The following CACNA1C variants were observed in gnomAD, a reference collection of about 807,000 sequenced individuals.
CACNA1C encodes voltage-dependent L-type calcium channel subunit alpha-1C.
A neutral mutation model predicts 229.0 loss-of-function variants in CACNA1C; 30 were observed. The observed-to-expected ratio is 0.13, with a 90% CI of 0.10 to 0.18. The LOEUF (loss-of-function observed/expected upper bound fraction) is 0.18. Ranked by LOEUF, CACNA1C falls within the 10% of genes least tolerant of loss-of-function variation. The pLI is 1.00. For missense variants in CACNA1C, 1,658 were observed against 2,845.0 expected (o/e 0.58, Z 9.49); for synonymous variants, 1,114 against 1,132.5 (o/e 0.98, Z 0.33).
In CACNA1C at chr12:2,410,263, G is replaced by A. The variant is rs183546640; in HGVS notation, c.478-38713G>A. ...AATCGACCTCAACGAGCTCGTCGCC[G>A]GGCACCGTTTTAGCAGCCCCACCAC... On this transcript the variant is annotated intron_variant, in intron 3 of 46. Transcript: ENST00000399655. The surrounding 1 kb of genome is among the most constrained non-coding windows in gnomAD (Gnocchi z 5.3). 9.2e-5 allele frequency among the ~76,000 whole-genome samples: 14 copies of A among 152,174 alleles called. No homozygotes were observed. In the East Asian group the frequency reaches 1.6e-3, roughly 17 times the overall value.
intron 5 of CACNA1C, among the ~76,000 whole-genome samples, chr12:2,481,759 A>G (rs774162097): frequency 5.3e-5 from 8 of 152,210 alleles, no homozygotes; most frequent in Non-Finnish European, 1.0e-4. Flanking sequence ...ATAAGTACAC[A>G]TGTGTTTGTC....
At chr12:2,089,347 A>G (rs942813234) in intron 1 of CACNA1C, among the ~76,000 whole-genome samples, 12 of 152,218 alleles carry the variant, frequency 7.9e-5, no homozygotes, top group African/African-American at 2.9e-4. Context: ...CTAGGAACAC[A>G]CTTTTGAAAT....
chr12:2,016,433 T>C (rs1249037501), intron 1 of CACNA1C, among the ~76,000 whole-genome samples: 1 of 152,208 alleles, frequency 6.6e-6, no homozygotes, highest in African/African-American at 2.4e-5. Flanking sequence ...CATTTTTCTT[T>C]TTCTTTTTTT....
intron 3 of CACNA1C, among the ~76,000 whole-genome samples, chr12:2,234,879 A>G (rs972883810): frequency 4.6e-5 from 7 of 152,260 alleles, no homozygotes; most frequent in African/African-American, 1.7e-4. Flanking sequence ...CAGACAAAAC[A>G]ATAGAAGTGA....
rs183635188 is a variant in CACNA1C, at chr12:2,498,551, T to C, written c.1113+5165T>C. Among the ~76,000 whole-genome samples the C allele has an allele frequency of 1.4e-3, 214 of 152,406 alleles. 2 individuals carry two copies. The highest frequency in any genetic ancestry group is 5.0e-3 in the African/African-American group (207 of 41,598). ...CAAACATTTATTGAGCATTTGCTGTTTCCTGGGACGAGGGATGTGGGAGCA... is the reference window on the plus strand; with the variant it reads ...CAAACATTTATTGAGCATTTGCTGTCTCCTGGGACGAGGGATGTGGGAGCA... On this transcript the variant is annotated intron_variant, in intron 7 of 46. Coordinates refer to ENST00000399655, the MANE Select transcript of CACNA1C (RefSeq NM_000719.7).
At chr12:2,104,427 T>C (rs1017337466) in intron 1 of CACNA1C, among the ~76,000 whole-genome samples, 3 of 152,240 alleles carry the variant, frequency 2.0e-5, no homozygotes, top group African/African-American at 7.2e-5. Context: ...TTTTGTATCC[T>C]GAGACTTTGC....
At position 2,630,636 on chromosome 12, in the gene CACNA1C, G is replaced by T. The variant is rs1044870005; in HGVS notation, c.3829-3661G>T. On this transcript the variant is annotated intron_variant, in intron 29 of 46. Coordinates refer to ENST00000399655, the MANE Select transcript of CACNA1C (RefSeq NM_000719.7). The surrounding 1 kb of genome is among the most constrained non-coding windows in gnomAD (Gnocchi z 5.4). ...CAAAGGCAGGACGGTGGGAGGATGG[G>T]TCAGGGTGAAGAGCTGCCTCTTAAA... Among the ~76,000 whole-genome samples the T allele has an allele frequency of 2.3e-4, 35 of 152,164 alleles. No individual in the cohort carries two copies. Among genetic ancestry groups the T allele is most frequent in the Non-Finnish European group, 4.9e-4 (33 of 68,026 alleles).
intron 22 of CACNA1C, chr12:2,603,876 C>T (rs953936164): frequency 2.0e-5 from 3 of 152,188 alleles, no homozygotes; most frequent in Non-Finnish European, 4.4e-5. Flanking sequence ...GGAAACTGAC[C>T]ATTTTTCTGC....
intron 1 of CACNA1C, among the ~76,000 whole-genome samples, chr12:2,002,587 G>C (rs1186621584): frequency 6.6e-6 from 1 of 152,298 alleles, no homozygotes; most frequent in African/African-American, 2.4e-5. Context: ...ACATTGATAA[G>C]GGTCAAAAGC....
intron 3 of CACNA1C, among the ~76,000 whole-genome samples, chr12:2,439,412 G>A (rs1200509273): frequency 1.3e-5 from 2 of 152,226 alleles, no homozygotes; most frequent in African/African-American, 2.4e-5. Flanking sequence ...CAAATCTACC[G>A]CATTGGCTTC....
rs376345869 is a variant in CACNA1C at position 2,115,276 on chromosome 12, G to A, written c.102G>A (p.Ala34=). 18 of 1,590,370 alleles carry A rather than the reference G, an allele frequency of 1.1e-5. No individual in the cohort carries two copies. The African/African-American group carries it at 1.3e-4, about 12-fold the overall frequency. Residue 34 remains alanine, a synonymous_variant, in exon 2 of 47, where the codon GCG becomes GCA. Transcript: ENST00000399655. ...RPAHANMNAN[A]AAGLAPEHIP... is the part of the protein sequence containing the mutation. Reference sequence around the variant, plus strand: ...CCCATGCCAACATGAATGCCAATGCGGCAGCGGGGCTGGCCCCTGAGCACA... The same window carrying A: ...CCCATGCCAACATGAATGCCAATGCAGCAGCGGGGCTGGCCCCTGAGCACA...
chr12:2,319,952 G>A lies in CACNA1C; in HGVS notation c.478-129024G>A, dbSNP rs2095889866. Among the ~76,000 whole-genome samples the A allele has an allele frequency of 6.6e-6, 1 of 152,192 alleles. No homozygotes were observed. Among genetic ancestry groups the A allele is most frequent in the Non-Finnish European group, 1.5e-5 (1 of 68,016 alleles). On this transcript the variant is annotated intron_variant, in intron 3 of 46. Transcript: ENST00000399655. This position sits in a 1 kb window ranked among gnomAD's most constrained non-coding sequence, Gnocchi z 4.0. ...AAGCCCCATGAGCTATTCTGGTCCT[G>A]ACACCGGCTCCCACCCTTTAAAGCT...
intron 3 of CACNA1C, among the ~76,000 whole-genome samples, chr12:2,341,956 G>A (rs191757299): frequency 6.6e-6 from 1 of 152,314 alleles, no homozygotes; most frequent in East Asian, 1.9e-4. Context: ...CTCGGATTTG[G>A]GGAGTGTTAA....
chr12:2,681,992 G>A lies in CACNA1C; in HGVS notation c.5445-558G>A, dbSNP rs528997596. On this transcript the variant is annotated intron_variant, in intron 42 of 46. Coordinates refer to ENST00000399655, the MANE Select transcript of CACNA1C (RefSeq NM_000719.7). ...TGTGTGAGGATCTGGAGCTCAGGAG[G>A]GATTCAGGCTCAGCAGGGACTCAGG... is the stretch of plus-strand genomic sequence containing the variant. 7.8e-5 allele frequency: 125 copies of A among 1,611,880 alleles called. 1 individual carries two copies. In the South Asian group the frequency reaches 1.3e-3, roughly 16 times the overall value.
rs768080291 is a variant in CACNA1C at position 2,691,147 on chromosome 12, G to A, written c.6365G>A (p.Arg2122Gln). ...GCGGGCTGTGTGCGCGCGCGGGGTC[G>A]ACCGAGTGAGGAGGAGCTCCAGGAC... The part of the protein sequence containing the change: ...EDAGCVRARG[R>Q]PSEEELQDSR... Residue 2122 changes from arginine to glutamine, a missense_variant, in exon 47 of 47, where the codon CGA becomes CAA. Physicochemically the swap from Arg to Gln is conservative, Grantham distance 43. Coordinates refer to ENST00000399655, the MANE Select transcript of CACNA1C (RefSeq NM_000719.7). 6.2e-7 allele frequency: 1 copy of A among 1,606,218 alleles called. No individual in the cohort carries two copies. The highest frequency in any genetic ancestry group is 1.1e-5 in the South Asian group (1 of 90,770).
chr12:2,264,973 G>A (rs1229484130), intron 3 of CACNA1C, among the ~76,000 whole-genome samples: 1 of 152,146 alleles, frequency 6.6e-6, no homozygotes, highest in African/African-American at 2.4e-5. Context: ...CGTTGTCTGA[G>A]CTGCCTTTTT....
chr12:2,670,404 G>C (rs146756648), intron 38 of CACNA1C, among the ~76,000 whole-genome samples: 12 of 152,274 alleles, frequency 7.9e-5, no homozygotes, highest in South Asian at 2.1e-4. Flanking sequence ...TGGTAGACTA[G>C]AGAAAGGTGA....
At chr12:2,395,062 C>G (rs1472998217) in intron 3 of CACNA1C, among the ~76,000 whole-genome samples, 1 of 152,072 alleles carries the variant, frequency 6.6e-6, no homozygotes, top group Non-Finnish European at 1.5e-5. Context: ...CTCTGTTGCC[C>G]AGGCTGGAGT....
At chr12:2,652,619 T>TGCCTGG (rs2095118560) in intron 32 of CACNA1C, among the ~76,000 whole-genome samples, 1 of 152,204 alleles carries the variant, frequency 6.6e-6, no homozygotes, top group Non-Finnish European at 1.5e-5. Flanking sequence ...GGACAGGGCA[T>TGCCTGG]GCCTGGGCCT....
Sources: allele counts gnomAD v4.1 joint callset (sites outside exome capture counted in the v4.1 genomes callset), GRCh38; gene constraint gnomAD v4.1.1; non-coding constraint Gnocchi (gnomAD v3.1); transcripts MANE v1.5; gene names NCBI Gene and HGNC (gene_info 2026-07-23, HGNC 2026-07-21).